SPIDR: variants seen among roughly 807,000 people sequenced by gnomAD.
SPIDR encodes DNA repair-scaffolding protein.
Under a neutral mutation model 104.6 loss-of-function variants are expected in SPIDR, and 93 were observed. The ratio of observed to expected loss-of-function variants is 0.89; its 90% CI spans 0.75 to 1.06. SPIDR has a LOEUF of 1.06. Ranked by LOEUF, SPIDR falls within the 50% of genes least tolerant of loss-of-function variation. The pLI, the probability that SPIDR is intolerant of heterozygous loss-of-function variation, is 0.00. For synonymous variants in SPIDR, 431 were observed against 416.9 expected (o/e 1.03, Z -0.41); for missense variants, 1,154 against 1,111.2 (o/e 1.04, Z -0.55).
chr8:47,490,705 G>A (rs564321715), intron 8 of SPIDR, among the ~76,000 whole-genome samples: 5 of 152,228 alleles, frequency 3.3e-5, no homozygotes, highest in Admixed American at 2.6e-4. Flanking sequence ...AGGGACATGG[G>A]TGAAGCTGGA....
intron 8 of SPIDR, among the ~76,000 whole-genome samples, chr8:47,549,489 G>A (rs1157111521): frequency 6.6e-6 from 1 of 152,142 alleles, no homozygotes; most frequent in Non-Finnish European, 1.5e-5. Context: ...CTATCTCATT[G>A]TGGTTTTGAT....
intron 5 of SPIDR, among the ~76,000 whole-genome samples, chr8:47,353,688 T>G (rs1175832208): frequency 3.3e-5 from 5 of 150,344 alleles, no homozygotes; most frequent in South Asian, 2.1e-4. Context: ...ATTTTAAAAT[T>G]GATTTAAATC....
At chr8:47,402,422 T>C (rs2062034951) in intron 6 of SPIDR, among the ~76,000 whole-genome samples, 1 of 152,104 alleles carries the variant, frequency 6.6e-6, no homozygotes. Context: ...GAGCTGGTTT[T>C]TTGAAAAGAT....
chr8:47,678,687 G>A (rs145138019), intron 11 of SPIDR, among the ~76,000 whole-genome samples: 63 of 152,266 alleles, frequency 4.1e-4, no homozygotes, highest in African/African-American at 1.4e-3. Flanking sequence ...GGGAGAACAA[G>A]CTCCCAGGCC....
intron 5 of SPIDR, among the ~76,000 whole-genome samples, chr8:47,346,068 T>C (rs2051939186): frequency 6.6e-6 from 1 of 152,192 alleles, no homozygotes; most frequent in South Asian, 2.1e-4. Flanking sequence ...GCTTCTAGTT[T>C]TTGCCCATTC....
chr8:47,347,937 G>A (rs2154279364), intron 5 of SPIDR, among the ~76,000 whole-genome samples: 1 of 152,188 alleles, frequency 6.6e-6, no homozygotes, highest in Middle Eastern at 3.4e-3. Context: ...GGGGCATTTA[G>A]CCCATTTACA....
At chr8:47,292,459 C>G (rs1228963419) in intron 4 of SPIDR, among the ~76,000 whole-genome samples, 1 of 152,126 alleles carries the variant, frequency 6.6e-6, no homozygotes, top group South Asian at 2.1e-4. Context: ...TCATACATTT[C>G]AGAATACAAA....
chr8:47,444,538 A>G (rs1385393326), intron 8 of SPIDR, among the ~76,000 whole-genome samples: 1 of 152,224 alleles, frequency 6.6e-6, no homozygotes, highest in Non-Finnish European at 1.5e-5. Flanking sequence ...ACTACTTAGT[A>G]TTCCACTATA....
At chr8:47,660,893 G>A (rs571306003) in intron 10 of SPIDR, 5 of 944,784 alleles carry the variant, frequency 5.3e-6, no homozygotes, top group Admixed American at 6.2e-5. Context: ...AACTGCATGT[G>A]TAACAATGCG....
intron 14 of SPIDR, among the ~76,000 whole-genome samples, chr8:47,708,625 G>GTATCA (rs1195711391): frequency 4.6e-5 from 7 of 152,124 alleles, no homozygotes; most frequent in Non-Finnish European, 8.8e-5. Context: ...TACGATCATA[G>GTATCA]TATCATATGG....
chr8:47,698,858 G>A (rs2079715488), intron 11 of SPIDR, among the ~76,000 whole-genome samples: 1 of 152,226 alleles, frequency 6.6e-6, no homozygotes, highest in South Asian at 2.1e-4. Context: ...TAGCATGTGA[G>A]GGTCCTGCCA....
chr8:47,699,308 C>T (rs1370240196), intron 11 of SPIDR, among the ~76,000 whole-genome samples: 1 of 152,160 alleles, frequency 6.6e-6, no homozygotes, highest in African/African-American at 2.4e-5. Context: ...CAGCATCCCC[C>T]AGTTTCCCAG....
chr8:47,469,093 G>A (rs1331919312), intron 8 of SPIDR, among the ~76,000 whole-genome samples: 2 of 152,120 alleles, frequency 1.3e-5, no homozygotes, highest in African/African-American at 4.8e-5. Flanking sequence ...ATGAAAAAAA[G>A]CTGAACATCA....
chr8:47,671,157 G>A (rs548323175), intron 10 of SPIDR, among the ~76,000 whole-genome samples: 3 of 152,152 alleles, frequency 2.0e-5, no homozygotes, highest in Non-Finnish European at 4.4e-5. Context: ...TGATCCTCTC[G>A]CCTCAGCCTC....
At chr8:47,348,976 C>A (rs1171429212) in intron 5 of SPIDR, among the ~76,000 whole-genome samples, 1 of 152,186 alleles carries the variant, frequency 6.6e-6, no homozygotes, top group South Asian at 2.1e-4. Flanking sequence ...CATTCTCCGT[C>A]CAGCTTTATT....
At chr8:47,403,112 A>G (rs1554664553) in intron 6 of SPIDR, among the ~76,000 whole-genome samples, 3 of 152,208 alleles carry the variant, frequency 2.0e-5, no homozygotes, top group Non-Finnish European at 4.4e-5. Flanking sequence ...CCACATGAAT[A>G]TCTCAATAGA....
At chr8:47,700,981 G>A (rs2080093387) in intron 12 of SPIDR, among the ~76,000 whole-genome samples, 1 of 152,174 alleles carries the variant, frequency 6.6e-6, no homozygotes, top group African/African-American at 2.4e-5. Flanking sequence ...CAAAATGGAT[G>A]GAAAGTGTTC....
chr8:47,357,194 A>G (rs560934077), intron 5 of SPIDR, among the ~76,000 whole-genome samples: 15 of 151,756 alleles, frequency 9.9e-5, no homozygotes, highest in Non-Finnish European at 1.8e-4. Context: ...ATAAGAGAAC[A>G]GATAAGATTT....
chr8:47,369,271 C>G (rs1407106201), intron 5 of SPIDR, among the ~76,000 whole-genome samples: 1 of 152,190 alleles, frequency 6.6e-6, no homozygotes, highest in Non-Finnish European at 1.5e-5. Context: ...CTTCTAACAA[C>G]AAAGGTTACA....
Sources: gnomAD v4.1 joint callset for allele counts (sites outside exome capture counted in the v4.1 genomes callset) on GRCh38, gnomAD v4.1.1 for gene constraint, MANE v1.5 for transcripts, NCBI Gene and HGNC (gene_info 2026-07-23, HGNC 2026-07-21) for gene names.